TRIOBP: variants seen among roughly 807,000 people sequenced by gnomAD.
TRIOBP encodes TRIO and F-actin-binding protein.
Under a neutral mutation model 238.8 loss-of-function variants are expected in TRIOBP, and 169 were observed. The observed-to-expected ratio is 0.71, with a 90% confidence interval of 0.62 to 0.80. The LOEUF (loss-of-function observed/expected upper bound fraction) is 0.80, where lower values mean the gene tolerates loss of function less well. Among genes scored for constraint, TRIOBP ranks in the 30% least tolerant of loss-of-function variants. The probability of loss-of-function intolerance (pLI) is 0.00; values close to 1 mark genes in which losing one functional copy is unlikely to be tolerated. For synonymous variants in TRIOBP, 1,150 were observed against 1,274.4 expected, an observed-to-expected ratio of 0.90 and a Z score of 2.08; for missense variants, 2,838 against 3,122.6, an observed-to-expected ratio of 0.91 and a Z score of 2.17.
In TRIOBP at chr22:37,726,328, C is replaced by T. The variant is rs374553299; in HGVS notation, c.3772C>T (p.Pro1258Ser). ...TGGGGGCTCCCGGGGCTCAGCGCCT[C>T]CCGGGGAGACCAGGCACAACTTGGA... is the stretch of plus-strand genomic sequence containing the variant. ...SSGGSRGSAP[P>S]GETRHNLERE... is the part of the protein sequence containing the mutation. Residue 1258 changes from proline to serine, a missense_variant, in exon 7 of 24, where the codon CCC becomes TCC. Coordinates refer to ENST00000644935, the MANE Select transcript of TRIOBP (RefSeq NM_001039141.3). 5.0e-6 allele frequency: 8 copies of T among 1,612,002 alleles called. No individual in the cohort carries two copies. The African/African-American group carries it at 8.0e-5, about 16-fold the overall frequency.
chr22:37,756,211 A>G (rs1448220631), intron 15 of TRIOBP, among the ~76,000 whole-genome samples: 2 of 152,190 alleles, frequency 1.3e-5, no homozygotes, highest in African/African-American at 2.4e-5. Flanking sequence ...CTGTAATCCC[A>G]GCGATTTGGG....
At chr22:37,771,925 TG>T (rs1221334522) in intron 22 of TRIOBP, 189 bp downstream of exon 22, 8 of 700,204 alleles carry the variant, frequency 1.1e-5, no homozygotes, top group Middle Eastern at 2.3e-4. Context: ...AAAGGGGAAG[TG>T]ACTTCCCCAA....
At chr22:37,721,904 G>C (rs1923848830) in intron 6 of TRIOBP, among the ~76,000 whole-genome samples, 1 of 152,138 alleles carries the variant, frequency 6.6e-6, no homozygotes, top group African/African-American at 2.4e-5. Flanking sequence ...CGGGGTGGAG[G>C]GTGACACACC....
At position 37,723,541 on chromosome 22, in the gene TRIOBP, A is replaced by G; in HGVS notation, c.985A>G (p.Thr329Ala). ...TAGGGCCTCATCCACCCAAGAGGAC[A>G]CCCCCAGGGCCTCATCTACACAGTG... is the stretch of plus-strand genomic sequence containing the variant. ...TPRASSTQED[T>A]PRASSTQWNT... The change falls in exon 7 of 24, where the codon ACC becomes GCC. Residue 329 changes from threonine (T) to alanine (A), a missense_variant. Thr to Ala is a moderately conservative substitution (Grantham distance 58, BLOSUM62 0). Transcript: ENST00000644935. 1 of 1,610,674 alleles carries G rather than the reference A, an allele frequency of 6.2e-7. No homozygotes were observed. The highest frequency in any genetic ancestry group is 8.5e-7 in the Non-Finnish European group (1 of 1,178,930).
chr22:37,765,773 A>G lies in TRIOBP; in HGVS notation c.6428A>G (p.Glu2143Gly). The G allele has an allele frequency of 6.3e-7, 1 of 1,589,890 alleles. No homozygotes were observed. The highest frequency in any genetic ancestry group is 8.5e-7 in the Non-Finnish European group (1 of 1,170,218). ...CGGGAGCTGCAGCGCCTGCAGCAGG[A>G]GAAGGAGTGGCTCCTGGCTGAGGAG... ...HERELQRLQQ[E>G]KEWLLAEETA... The change falls in exon 18 of 24, where the codon GAG becomes GGG. Residue 2143 changes from glutamate (E) to glycine (G), a missense_variant. Glu to Gly is a moderately conservative substitution (Grantham distance 98). This residue lies in a region of TRIOBP where 2,096 missense variants were observed against 2,137.4 expected (regional missense o/e 0.98). Transcript: ENST00000644935.
At chr22:37,765,306 C>T (rs1454490560) in intron 17 of TRIOBP, among the ~76,000 whole-genome samples, 1 of 151,878 alleles carries the variant, frequency 6.6e-6, no homozygotes, top group South Asian at 2.1e-4. Context: ...ACAAAAAAAC[C>T]ACAAAATTCC....
chr22:37,702,634 C>CTTTTTTTTTTTTTTTTTTTTT (rs34625454), intron 3 of TRIOBP, among the ~76,000 whole-genome samples: 3 of 81,198 alleles, frequency 3.7e-5, no homozygotes, highest in African/African-American at 1.5e-4. Context: ...TTCTCTCTCT[C>CTTTTTTTTTTTTTTTTTTTTT]TTTTTTTTTT....
intron 17 of TRIOBP, among the ~76,000 whole-genome samples, chr22:37,761,770 C>T (rs1257405623): frequency 6.6e-6 from 1 of 150,724 alleles, no homozygotes; most frequent in Non-Finnish European, 1.5e-5. Context: ...GATAGAGGAG[C>T]AGGCAGGGGA....
Position 37,776,481 on chromosome 22 carries a change from C to G in TRIOBP, c.*2701C>G, listed in dbSNP as rs1175529169. 1 of 152,080 alleles carries G rather than the reference C, an allele frequency of 6.6e-6. No individual in the cohort carries two copies. Among genetic ancestry groups the G allele is most frequent in the Non-Finnish European group, 1.5e-5 (1 of 68,024 alleles). The allele number at this position is 152,080 out of a possible 1,614,324, so 9.4% of individuals were successfully genotyped here. A position where few individuals can be genotyped will look rare whatever the true frequency, so the allele number is the denominator to read the frequency against. On this transcript the variant is annotated 3_prime_UTR_variant, in exon 24 of 24. Coordinates refer to ENST00000644935, the MANE Select transcript of TRIOBP (RefSeq NM_001039141.3). ...CTTACATGCACAAAAGGATGAGTAC[C>G]GTAATACTCACATCAGCAAATAAAC...
chr22:37,770,312 C>T (rs1443989343), intron 21 of TRIOBP, among the ~76,000 whole-genome samples: 6 of 148,312 alleles, frequency 4.0e-5, no homozygotes, highest in Admixed American at 6.7e-5. Context: ...GTGGCGGGCG[C>T]GGTGGCGGGT....
rs1162717241 is a variant in TRIOBP at position 37,751,227 on chromosome 22, C to T, written c.5323-545C>T. 14 of 355,768 alleles carry T rather than the reference C, an allele frequency of 3.9e-5. No homozygotes were observed. In the East Asian group the frequency reaches 1.1e-3, roughly 28 times the overall value. The allele number at this position is 355,768 out of a possible 1,614,324, so 22.0% of individuals were successfully genotyped here. On this transcript the variant is annotated intron_variant, in intron 11 of 23. Coordinates refer to ENST00000644935, the MANE Select transcript of TRIOBP (RefSeq NM_001039141.3). ...TAGGGCTTGCCAGGACTGACCCTTC[C>T]CAAAGAGATCTAGGCGGGGACCAGA...
intron 19 of TRIOBP, among the ~76,000 whole-genome samples, chr22:37,768,674 G>A (rs546224940): frequency 6.6e-6 from 1 of 152,284 alleles, no homozygotes; most frequent in East Asian, 1.9e-4. Flanking sequence ...GGTGGCGGGA[G>A]CCTGCAATTC....
At chr22:37,745,706 CATT>C (rs983689517) in intron 11 of TRIOBP, among the ~76,000 whole-genome samples, 10 of 152,110 alleles carry the variant, frequency 6.6e-5, no homozygotes, top group African/African-American at 1.4e-4. Context: ...TCCGTTTTCT[CATT>C]AGCAAAATAA....
chr22:37,719,989 C>CACACTGCACTCACTGTTTCACTCTT (rs367687004), intron 6 of TRIOBP, among the ~76,000 whole-genome samples: 3 of 71,208 alleles, frequency 4.2e-5, no homozygotes, highest in African/African-American at 6.1e-5. Flanking sequence ...TTTCACTCAT[C>CACACTGCACTCACTGTTTCACTCTT]CCCCCCCGCC....
chr22:37,746,171 T>C (rs1175824092), intron 11 of TRIOBP: 18 of 1,009,408 alleles, frequency 1.8e-5, no homozygotes, highest in Non-Finnish European at 2.1e-5. Flanking sequence ...TTGTCTCGGC[T>C]TCCCCGCCAC....
intron 21 of TRIOBP, 99 bp from the exon 22 acceptor site, chr22:37,771,551 C>T (rs1926771759): frequency 8.4e-6 from 9 of 1,070,276 alleles, no homozygotes; most frequent in African/African-American, 1.6e-5. Flanking sequence ...GGGCTGCATT[C>T]TAGGGGCCTG....
At chr22:37,710,124 C>T (rs918313490) in intron 3 of TRIOBP, among the ~76,000 whole-genome samples, 2 of 152,376 alleles carry the variant, frequency 1.3e-5, no homozygotes, top group East Asian at 1.9e-4. Context: ...GACACGCATG[C>T]GCAAGAGCTC....
intron 7 of TRIOBP, among the ~76,000 whole-genome samples, chr22:37,730,946 CAAA>C (rs11316099): frequency 1.8e-4 from 15 of 83,798 alleles, no homozygotes; most frequent in African/African-American, 3.0e-4. Context: ...GACTCCATCT[CAAA>C]AAAAAAAAAA....
chr22:37,746,039 G>GGCCGT (rs1925217031), intron 11 of TRIOBP, among the ~76,000 whole-genome samples: 1 of 30,066 alleles, frequency 3.3e-5, no homozygotes, highest in South Asian at 1.8e-3. Context: ...GGCCCCATCC[G>GGCCGT]CCCACCCCGC....
Sources: gnomAD v4.1 joint callset for allele counts (sites outside exome capture counted in the v4.1 genomes callset) on GRCh38, gnomAD v4.1.1 for gene constraint, gnomAD v4.1.1 regional missense constraint, MANE v1.5 for transcripts, NCBI Gene and HGNC (gene_info 2026-07-23, HGNC 2026-07-21) for gene names.